The following LRP12 variants were observed in gnomAD, a reference collection of about 807,000 sequenced individuals.
The protein encoded by LRP12 is low-density lipoprotein receptor-related protein 12.
A neutral mutation model predicts 66.0 loss-of-function variants in LRP12; 14 were observed. The observed-to-expected ratio is 0.21, with a 90% CI of 0.14 to 0.33. The LOEUF is 0.33. Ranked by LOEUF, LRP12 falls within the 10% of genes least tolerant of loss-of-function variation. The pLI is 1.00. For missense variants in LRP12, 889 were observed against 1,053.4 expected, an observed-to-expected ratio of 0.84 and a Z score of 2.16; for synonymous variants, 357 against 359.1, an observed-to-expected ratio of 0.99 and a Z score of 0.07.
At chr8:104,577,966 CAACTT>C (rs1812191625) in intron 1 of LRP12, among the ~76,000 whole-genome samples, 2 of 151,952 alleles carry the variant, frequency 1.3e-5, no homozygotes, top group African/African-American at 4.8e-5. Context: ...TGCAAATTAA[CAACTT>C]AACATCACAA....
chr8:104,549,295 T>C (rs1811689672), intron 1 of LRP12, among the ~76,000 whole-genome samples: 1 of 151,724 alleles, frequency 6.6e-6, no homozygotes, highest in African/African-American at 2.4e-5. Flanking sequence ...TGAACCCTCC[T>C]CAATCTAGCT....
chr8:104,512,100 T>TA (rs1392807424), intron 2 of LRP12, among the ~76,000 whole-genome samples: 2 of 152,212 alleles, frequency 1.3e-5, no homozygotes, highest in Non-Finnish European at 2.9e-5. Flanking sequence ...ATAGCTAAGT[T>TA]ATTTGTAAGA....
At chr8:104,564,720 C>T (rs1390773917) in intron 1 of LRP12, among the ~76,000 whole-genome samples, 3 of 151,978 alleles carry the variant, frequency 2.0e-5, no homozygotes, top group Non-Finnish European at 4.4e-5. Flanking sequence ...CACTTGAGGT[C>T]AGGAGTTTGA....
At chr8:104,536,709 T>C (rs1811396964) in intron 1 of LRP12, among the ~76,000 whole-genome samples, 1 of 152,014 alleles carries the variant, frequency 6.6e-6, no homozygotes, top group Non-Finnish European at 1.5e-5. Flanking sequence ...GAGTGGCCAC[T>C]ATAGTTACTA....
chr8:104,579,331 T>C (rs751301845), intron 1 of LRP12, among the ~76,000 whole-genome samples: 2 of 151,704 alleles, frequency 1.3e-5, no homozygotes, highest in Non-Finnish European at 2.9e-5. Flanking sequence ...CATTCACAAC[T>C]GCCATAAAAA....
intron 1 of LRP12, among the ~76,000 whole-genome samples, chr8:104,539,345 T>C (rs769259161): frequency 1.3e-5 from 2 of 152,224 alleles, no homozygotes; most frequent in Non-Finnish European, 1.5e-5. Context: ...CTTCAAAATA[T>C]GCAGAAGAAT....
chr8:104,491,081 G>A lies in LRP12; in HGVS notation c.2172C>T (p.His724=), dbSNP rs775305479. 6.2e-7 allele frequency: 1 copy of A among 1,614,114 alleles called. No homozygotes were observed. The highest frequency in any genetic ancestry group is 8.5e-7 in the Non-Finnish European group (1 of 1,180,024). The stretch of plus-strand genomic sequence containing the variant: ...TACGACTGAGTGCACTTGTAAGCTG[G>A]TGACGTGCTGGACTCACACTTGGGG... The part of the protein sequence containing the change: ...VEPPSVSPAR[H]QLTSALSRMT... The change falls in exon 7 of 7, where the codon CAC becomes CAT. Residue 724 remains histidine (H), a synonymous_variant. Transcript: ENST00000276654.
intron 1 of LRP12, among the ~76,000 whole-genome samples, chr8:104,563,229 C>T (rs1175575182): frequency 2.6e-5 from 4 of 152,062 alleles, no homozygotes; most frequent in Admixed American, 2.6e-4. Flanking sequence ...TATTTATTTA[C>T]ACAGATTCAT....
intron 2 of LRP12, among the ~76,000 whole-genome samples, chr8:104,510,996 A>AT (rs1810985406): frequency 1.3e-5 from 2 of 151,044 alleles, no homozygotes; most frequent in Admixed American, 6.6e-5. Flanking sequence ...AGATGGCCAA[A>AT]TACCACTATT....
chr8:104,568,809 C>A (rs1328311086), intron 1 of LRP12, among the ~76,000 whole-genome samples: 1 of 152,058 alleles, frequency 6.6e-6, no homozygotes, highest in East Asian at 1.9e-4. Flanking sequence ...AGACTGGAAC[C>A]CTCACATACT....
Position 104,490,626 on chromosome 8 carries a change from T to C in LRP12, c.*47A>G, listed in dbSNP as rs200348899. On this transcript the variant is annotated 3_prime_UTR_variant, in exon 7 of 7. Coordinates refer to ENST00000276654, the MANE Select transcript of LRP12 (RefSeq NM_013437.5). ...AACTGTAAAGTTACAAAATAATAAA[T>C]GGATATTGCTCCAACTTGTATACAA... 40 of 1,522,384 alleles carry C rather than the reference T, an allele frequency of 2.6e-5. No homozygotes were observed. Among genetic ancestry groups the C allele is most frequent in the Middle Eastern group, 1.9e-4 (1 of 5,290 alleles). The allele number at this position is 1,522,384 out of a possible 1,614,324, so 94.3% of individuals were successfully genotyped here.
chr8:104,541,809 A>G (rs184472213), intron 1 of LRP12, among the ~76,000 whole-genome samples: 51 of 152,246 alleles, frequency 3.3e-4, no homozygotes, highest in African/African-American at 1.2e-3. Context: ...TGTTTTCATG[A>G]TTCATCCTTG....
chr8:104,512,055 AC>A (rs1811007427), intron 2 of LRP12, among the ~76,000 whole-genome samples: 1 of 152,114 alleles, frequency 6.6e-6, no homozygotes, highest in Non-Finnish European at 1.5e-5. Flanking sequence ...CTTCCACTTT[AC>A]TCTGAGTTAT....
intron 2 of LRP12, among the ~76,000 whole-genome samples, chr8:104,524,233 C>T (rs1811194238): frequency 9.6e-6 from 1 of 103,934 alleles, no homozygotes; most frequent in Non-Finnish European, 1.8e-5. Context: ...CAAAGTCAGA[C>T]CCTGTCTCAA....
intron 1 of LRP12, among the ~76,000 whole-genome samples, chr8:104,555,384 A>G (rs1001693317): frequency 4.6e-5 from 7 of 152,196 alleles, no homozygotes; most frequent in Admixed American, 2.6e-4. Context: ...GCCAGAATAG[A>G]TAAGAATTCG....
intron 1 of LRP12, among the ~76,000 whole-genome samples, chr8:104,538,924 T>C (rs1472217797): frequency 6.6e-6 from 1 of 152,134 alleles, no homozygotes; most frequent in Non-Finnish European, 1.5e-5. Flanking sequence ...GCTTTATAGC[T>C]CTAAATCCAT....
At chr8:104,503,251 C>T (rs1219709536) in intron 3 of LRP12, among the ~76,000 whole-genome samples, 6 of 144,532 alleles carry the variant, frequency 4.2e-5, no homozygotes, top group African/African-American at 7.7e-5. Context: ...TGCTTGAACC[C>T]GGGAGGCAAA....
intron 1 of LRP12, among the ~76,000 whole-genome samples, chr8:104,544,688 T>C (rs940321335): frequency 6.6e-6 from 1 of 152,160 alleles, no homozygotes; most frequent in African/African-American, 2.4e-5. Flanking sequence ...GTTTACAGCA[T>C]TGTTTACTGA....
At chr8:104,500,755 C>T (rs1810816934) in intron 3 of LRP12, among the ~76,000 whole-genome samples, 2 of 152,100 alleles carry the variant, frequency 1.3e-5, no homozygotes, top group South Asian at 2.1e-4. Context: ...TATACATGTA[C>T]GTATCTCTCT....
Sources: allele counts gnomAD v4.1 joint callset (sites outside exome capture counted in the v4.1 genomes callset), GRCh38; gene constraint gnomAD v4.1.1; transcripts MANE v1.5; gene names NCBI Gene and HGNC (gene_info 2026-07-23, HGNC 2026-07-21).